The following PLK4 variants were observed in gnomAD, a reference collection of about 807,000 sequenced individuals.
PLK4 encodes polo like kinase 4, also known as serine/threonine-protein kinase PLK4.
A neutral mutation model predicts 103.0 loss-of-function variants in PLK4; 51 were observed. The ratio of observed to expected loss-of-function variants is 0.50; its 90% CI spans 0.40 to 0.63. PLK4 has a LOEUF of 0.63. PLK4 is among the 20% of genes least tolerant of loss of function. The probability of loss-of-function intolerance (pLI) is 0.00; values close to 1 mark genes in which losing one functional copy is unlikely to be tolerated. For synonymous variants in PLK4, 389 were observed against 376.8 expected (o/e 1.03, Z -0.38); for missense variants, 1,054 against 1,151.0 (o/e 0.92, Z 1.22).
Position 127,898,662 on chromosome 4 carries a change from C to T in PLK4, c.*121C>T, listed in dbSNP as rs770025556. 1.7e-6 allele frequency: 1 copy of T among 603,048 alleles called. No homozygotes were observed. The highest frequency in any genetic ancestry group is 2.9e-6 in the Non-Finnish European group (1 of 341,992). 37.4% of individuals were successfully genotyped at this position (603,048 alleles called of 1,614,324 possible). ...AAGCCTTTCTATGAAAGAATTTTAA[C>T]CTATAATGTAAAGGATGTATTCTGA... On this transcript the variant is annotated 3_prime_UTR_variant, in exon 16 of 16. Coordinates refer to ENST00000270861, the MANE Select transcript of PLK4 (RefSeq NM_014264.5).
chr4:127,886,492 T>C lies in PLK4; in HGVS notation c.1122T>C (p.Arg374=), dbSNP rs572171936. 2.5e-6 allele frequency: 4 copies of C among 1,613,966 alleles called. No homozygotes were observed. The African/African-American group carries it at 4.0e-5, about 16-fold the overall frequency. ...AEERPHSRYL[R]RAYSSDRSGT... ...AAAGGCCACATTCTCGATACCTTCG[T>C]AGAGCTTATTCCTCTGATAGATCTG... is the stretch of plus-strand genomic sequence containing the variant. The change falls in exon 5 of 16, where the codon CGT becomes CGC. Residue 374 remains arginine (R), a synonymous_variant. Transcript: ENST00000270861.
chr4:127,897,166 G>A (rs2148825508), intron 15 of PLK4, among the ~76,000 whole-genome samples: 1 of 152,250 alleles, frequency 6.6e-6, no homozygotes. Flanking sequence ...GTTCCATAGT[G>A]TAACTCGATG....
chr4:127,896,032 A>T (rs970097365), intron 14 of PLK4, among the ~76,000 whole-genome samples: 2 of 152,210 alleles, frequency 1.3e-5, no homozygotes, highest in Admixed American at 1.3e-4. Context: ...TTTACTTAAC[A>T]GTGAAGTAAA....
intron 10 of PLK4, among the ~76,000 whole-genome samples, chr4:127,892,986 G>C (rs896477603): frequency 6.6e-6 from 1 of 151,950 alleles, no homozygotes; most frequent in African/African-American, 2.4e-5. Flanking sequence ...GGGACGCAAA[G>C]CATTCATATC....
intron 14 of PLK4, 26 bp from the exon 15 acceptor site, chr4:127,896,775 C>A: frequency 9.0e-6 from 11 of 1,228,932 alleles, no homozygotes; most frequent in East Asian, 2.5e-5. Flanking sequence ...TGTGCCTGTT[C>A]TTACCCATGC....
Position 127,886,288 on chromosome 4 carries a change from A to G in PLK4, c.918A>G (p.Leu306=), listed in dbSNP as rs1735124219. 6.2e-7 allele frequency: 1 copy of G among 1,613,912 alleles called. No individual in the cohort carries two copies. The highest frequency in any genetic ancestry group is 1.1e-5 in the South Asian group (1 of 91,034). The stretch of plus-strand genomic sequence containing the variant: ...CCAGTACCAGTATAAGTGGTAGTTT[A>G]TTTGACAAAAGAAGACTTTTGATTG... ...ASSSTSISGS[L]FDKRRLLIGQ... Residue 306 remains leucine (L), a synonymous_variant, in exon 5 of 16, where the codon TTA becomes TTG. Transcript: ENST00000270861.
At chr4:127,888,342 C>T (rs1189367665) in intron 6 of PLK4, among the ~76,000 whole-genome samples, 1 of 151,902 alleles carries the variant, frequency 6.6e-6, no homozygotes, top group African/African-American at 2.4e-5. Flanking sequence ...CTGTTATTAT[C>T]TCCGTCTTAC....
rs1378147525 is a variant in PLK4, at chr4:127,886,296, AAAG to A, written c.931_933del (p.Arg311del). On this transcript the variant is annotated inframe_deletion, in exon 5 of 16. Coordinates refer to ENST00000270861, the MANE Select transcript of PLK4 (RefSeq NM_014264.5). ...AGTATAAGTGGTAGTTTATTTGACA[AAAG>A]AAGACTTTTGATTGGTCAGCCACTC... The A allele has an allele frequency of 1.6e-5, 26 of 1,613,882 alleles. No homozygotes were observed. Among genetic ancestry groups the A allele is most frequent in the South Asian group, 4.4e-5 (4 of 91,022 alleles).
At chr4:127,886,876 C>T in intron 5 of PLK4, 148 bp downstream of exon 5, 1 of 572,130 alleles carries the variant, frequency 1.7e-6, no homozygotes, top group Non-Finnish European at 3.0e-6. Context: ...GGTTAACAGT[C>T]TTAACAGGAG....
intron 5 of PLK4, among the ~76,000 whole-genome samples, 157 bp downstream of exon 5, chr4:127,886,885 A>AGT (rs1161619854): frequency 6.6e-6 from 1 of 151,558 alleles, no homozygotes; most frequent in Non-Finnish European, 1.5e-5. Context: ...TCTTAACAGG[A>AGT]GTGTGTGTGT....
intron 15 of PLK4, among the ~76,000 whole-genome samples, chr4:127,897,873 C>G (rs1223375911): frequency 1.1e-5 from 1 of 92,634 alleles, no homozygotes; most frequent in African/African-American, 4.9e-5. Context: ...CAGAGTCTCG[C>G]TCTGTTGCCC....
chr4:127,893,230 C>A (rs1578765175), intron 10 of PLK4, 55 bp from the exon 11 acceptor site: 4 of 1,094,912 alleles, frequency 3.7e-6, no homozygotes, highest in Non-Finnish European at 5.3e-6. Flanking sequence ...AAATATAAAT[C>A]TAGGAATATT....
chr4:127,885,214 T>G (rs923008804), intron 4 of PLK4, among the ~76,000 whole-genome samples: 1 of 151,708 alleles, frequency 6.6e-6, no homozygotes, highest in African/African-American at 2.4e-5. Flanking sequence ...GCGCGGTGGC[T>G]CAAGCCTGAA....
chr4:127,885,190 A>G (rs962011296), intron 4 of PLK4, among the ~76,000 whole-genome samples: 7 of 151,894 alleles, frequency 4.6e-5, no homozygotes, highest in Admixed American at 2.6e-4. Flanking sequence ...TTAAAGGTTA[A>G]TATGATAGGC....
At chr4:127,895,546 C>T (rs995212813) in intron 14 of PLK4, among the ~76,000 whole-genome samples, 5 of 148,780 alleles carry the variant, frequency 3.4e-5, no homozygotes, top group Admixed American at 6.8e-5. Flanking sequence ...CTCAGCCTCC[C>T]GAGTAGCTGG....
rs374025400 is a variant in PLK4, at chr4:127,892,534, G to A, written c.2188+20G>A. 107 of 1,588,876 alleles carry A rather than the reference G, an allele frequency of 6.7e-5. No homozygotes were observed. Among genetic ancestry groups the A allele is most frequent in the Admixed American group, 1.2e-4 (7 of 56,552 alleles). On this transcript the variant is annotated intron_variant, in intron 10 of 15. Coordinates refer to ENST00000270861, the MANE Select transcript of PLK4 (RefSeq NM_014264.5). ...ATGATGGTAAGTACCATTTGGAAAT[G>A]GTAATTTGTTCCTTTAGTTTGTAAT... is the stretch of plus-strand genomic sequence containing the variant.
chr4:127,888,171 C>A, intron 6 of PLK4, among the ~76,000 whole-genome samples: 1 of 52,588 alleles, frequency 1.9e-5, no homozygotes, highest in Non-Finnish European at 3.6e-5. Flanking sequence ...TAGAGCTAGA[C>A]TGTCTCAAAA....
In PLK4 at chr4:127,886,268, A is replaced by G. The variant is rs1276430799; in HGVS notation, c.898A>G (p.Thr300Ala). 1 of 1,613,966 alleles carries G rather than the reference A, an allele frequency of 6.2e-7. No homozygotes were observed. Among genetic ancestry groups the G allele is most frequent in the South Asian group, 1.1e-5 (1 of 91,082 alleles). The change falls in exon 5 of 16, where the codon ACC (threonine) becomes GCC (alanine). Residue 300 changes from threonine to alanine, a missense_variant. This residue lies in a region of PLK4 where 680 missense variants were observed against 660.3 expected (regional missense o/e 1.03). Coordinates refer to ENST00000270861, the MANE Select transcript of PLK4 (RefSeq NM_014264.5). ...ISTAITASSS[T>A]SISGSLFDKR... ...TACTGCAATTACAGCTTCTTCCAGTACCAGTATAAGTGGTAGTTTATTTGA... is the reference window on the plus strand; with the variant it reads ...TACTGCAATTACAGCTTCTTCCAGTGCCAGTATAAGTGGTAGTTTATTTGA...
intron 1 of PLK4, 107 bp downstream of exon 1, chr4:127,881,271 C>T (rs1734907342): frequency 6.3e-7 from 1 of 1,578,064 alleles, no homozygotes; most frequent in Non-Finnish European, 8.6e-7. Flanking sequence ...GCGGGGCGGG[C>T]ACCGAGGTGC....
Sources: gnomAD v4.1 joint callset for allele counts (sites outside exome capture counted in the v4.1 genomes callset) on GRCh38, gnomAD v4.1.1 for gene constraint, gnomAD v4.1.1 regional missense constraint, MANE v1.5 for transcripts, NCBI Gene and HGNC (gene_info 2026-07-23, HGNC 2026-07-21) for gene names.